ARFIP1: variants seen among roughly 807,000 people sequenced by gnomAD.
The protein encoded by ARFIP1 is arfaptin-1.
ARFIP1 carries 24 observed loss-of-function variants against 42.5 expected under a neutral mutation model. That is an observed-to-expected ratio of 0.57 (90% CI 0.41 to 0.80). The LOEUF is 0.80. ARFIP1 is among the 30% of genes least tolerant of loss of function. ARFIP1 has a pLI of 0.00. For synonymous variants in ARFIP1, 141 were observed against 153.7 expected (o/e 0.92, Z 0.61); for missense variants, 354 against 434.0 (o/e 0.82, Z 1.64).
intron 1 of ARFIP1, among the ~76,000 whole-genome samples, chr4:152,801,118 G>A (rs551882982): frequency 2.2e-4 from 33 of 152,206 alleles, no homozygotes; most frequent in Admixed American, 8.5e-4. Context: ...CATCGGGGAG[G>A]GAGACAGACC....
At chr4:152,909,640 G>T (rs1219587943) in intron 8 of ARFIP1, among the ~76,000 whole-genome samples, 1 of 152,116 alleles carries the variant, frequency 6.6e-6, no homozygotes, top group African/African-American at 2.4e-5. Flanking sequence ...AAAGTATCCA[G>T]CCTACTTGGC....
At chr4:152,880,233 C>T (rs1378267867) in intron 5 of ARFIP1, among the ~76,000 whole-genome samples, 3 of 151,902 alleles carry the variant, frequency 2.0e-5, no homozygotes, top group East Asian at 1.9e-4. Context: ...ATCTCAGCTA[C>T]TTAGGAGGCC....
intron 8 of ARFIP1, among the ~76,000 whole-genome samples, chr4:152,904,119 G>A (rs1284826235): frequency 6.7e-6 from 1 of 149,872 alleles, no homozygotes; most frequent in Non-Finnish European, 1.5e-5. Flanking sequence ...ATAGGTAAAC[G>A]TGTGCCATGA....
intron 2 of ARFIP1, among the ~76,000 whole-genome samples, chr4:152,834,008 C>A (rs781232224): frequency 6.6e-6 from 1 of 152,074 alleles, no homozygotes; most frequent in Non-Finnish European, 1.5e-5. Flanking sequence ...TCTGGTGGGG[C>A]CTCAGGGAGC....
At chr4:152,800,640 CT>C (rs965912272) in intron 1 of ARFIP1, among the ~76,000 whole-genome samples, 2 of 152,134 alleles carry the variant, frequency 1.3e-5, no homozygotes, top group Non-Finnish European at 2.9e-5. Flanking sequence ...ATTCTTCTGT[CT>C]GTCCTTCAAT....
At chr4:152,855,795 A>C (rs555775760) in intron 2 of ARFIP1, among the ~76,000 whole-genome samples, 1 of 152,182 alleles carries the variant, frequency 6.6e-6, no homozygotes, top group East Asian at 1.9e-4. Context: ...GGATTGCAAG[A>C]GTCCACAGTG....
chr4:152,788,123 C>G (rs1477533765), intron 1 of ARFIP1, among the ~76,000 whole-genome samples: 1 of 152,116 alleles, frequency 6.6e-6, no homozygotes, highest in Admixed American at 6.5e-5. Flanking sequence ...ATTCCAGCTA[C>G]TTGGGAGGTT....
chr4:152,837,980 C>T (rs1446950980), intron 2 of ARFIP1, among the ~76,000 whole-genome samples: 1 of 152,176 alleles, frequency 6.6e-6, no homozygotes, highest in Non-Finnish European at 1.5e-5. Flanking sequence ...AATCCAGTTT[C>T]ATTCTCCTAC....
intron 1 of ARFIP1, among the ~76,000 whole-genome samples, chr4:152,787,004 C>T (rs1016170370): frequency 1.3e-5 from 2 of 152,144 alleles, no homozygotes; most frequent in South Asian, 2.1e-4. Flanking sequence ...ATACATTTCC[C>T]GCAGTTTGCA....
At chr4:152,873,690 C>T (rs1410797499) in intron 5 of ARFIP1, among the ~76,000 whole-genome samples, 1 of 152,200 alleles carries the variant, frequency 6.6e-6, no homozygotes, top group Admixed American at 6.5e-5. Flanking sequence ...CTCCTCCATC[C>T]CAGCCTTCAC....
At chr4:152,780,469 G>T (rs947572234) in intron 1 of ARFIP1, among the ~76,000 whole-genome samples, 16 of 152,194 alleles carry the variant, frequency 1.1e-4, no homozygotes, top group Non-Finnish European at 1.5e-5. Context: ...CCCTTGCAGG[G>T]AGGCACTCTC....
chr4:152,906,088 C>A (rs1431230626), intron 8 of ARFIP1, among the ~76,000 whole-genome samples: 1 of 152,046 alleles, frequency 6.6e-6, no homozygotes, highest in Non-Finnish European at 1.5e-5. Context: ...GTTTTTGTAG[C>A]TTTAGCCCTG....
chr4:152,868,820 C>T (rs1734625343), intron 3 of ARFIP1, among the ~76,000 whole-genome samples: 2 of 152,102 alleles, frequency 1.3e-5, no homozygotes, highest in South Asian at 4.1e-4. Flanking sequence ...ATTAAAATGC[C>T]TTCCAACTCA....
At chr4:152,872,336 C>A in intron 4 of ARFIP1, 116 bp from the exon 5 acceptor site, 1 of 595,500 alleles carries the variant, frequency 1.7e-6, no homozygotes, top group Non-Finnish European at 2.7e-6. Context: ...TTTGTGGGAA[C>A]CTTTTTTTCT....
chr4:152,902,955 C>A (rs1438177876), intron 8 of ARFIP1, among the ~76,000 whole-genome samples: 1 of 152,158 alleles, frequency 6.6e-6, no homozygotes, highest in Non-Finnish European at 1.5e-5. Context: ...TCTACTGAAA[C>A]TGCTTGTATA....
chr4:152,825,546 A>G (rs1730765407), intron 1 of ARFIP1, among the ~76,000 whole-genome samples: 1 of 152,226 alleles, frequency 6.6e-6, no homozygotes, highest in East Asian at 1.9e-4. Context: ...AAATTAACTC[A>G]AGATGGATTA....
At chr4:152,879,849 C>CAAATA (rs1554033394) in intron 5 of ARFIP1, among the ~76,000 whole-genome samples, 1 of 151,710 alleles carries the variant, frequency 6.6e-6, no homozygotes. Context: ...AACTCCATCT[C>CAAATA]AAACAAAACA....
intron 1 of ARFIP1, among the ~76,000 whole-genome samples, chr4:152,823,199 A>G (rs1342524749): frequency 6.6e-6 from 1 of 152,240 alleles, no homozygotes; most frequent in African/African-American, 2.4e-5. Flanking sequence ...TCAATTGGAA[A>G]TGAAAATGGA....
At chr4:152,872,239 C>T (rs1349215565) in intron 4 of ARFIP1, among the ~76,000 whole-genome samples, 1 of 152,096 alleles carries the variant, frequency 6.6e-6, no homozygotes, top group Non-Finnish European at 1.5e-5. Flanking sequence ...AGATAAGTCA[C>T]ATGGCATTTG....
Sources: gnomAD v4.1 joint callset for allele counts (sites outside exome capture counted in the v4.1 genomes callset) on GRCh38, gnomAD v4.1.1 for gene constraint, MANE v1.5 for transcripts, NCBI Gene and HGNC (gene_info 2026-07-23, HGNC 2026-07-21) for gene names.